REDIC1: variants seen among roughly 807,000 people sequenced by gnomAD.
REDIC1 encodes regulator of DNA class I crossover intermediates 1.
chr12:39,782,263 A>G, the REDIC1 span, among the ~76,000 whole-genome samples: 1 of 152,146 alleles, frequency 6.6e-6, no homozygotes, highest in Non-Finnish European at 1.5e-5. Flanking sequence ...GTCCCCACTC[A>G]AATCTCAATT....
At chr12:39,760,285 A>AAT in the REDIC1 span, 1 of 1,559,366 alleles carries the variant, frequency 6.4e-7, no homozygotes, top group African/African-American at 1.4e-5. Context: ...CATGAATATG[A>AAT]ATATATAGAG....
chr12:39,812,996 ATTTT>A, the REDIC1 span, among the ~76,000 whole-genome samples: 12 of 40,614 alleles, frequency 3.0e-4, no homozygotes, highest in South Asian at 7.7e-3. Flanking sequence ...TGCCCAGCTA[ATTTT>A]TTTTTTTTTT....
chr12:39,640,962 G>T, the REDIC1 span: 3 of 1,610,104 alleles, frequency 1.9e-6, no homozygotes, highest in South Asian at 1.1e-5. Context: ...CAGGTCCAGG[G>T]TTCTGATCAA....
chr12:39,731,207 G>A, the REDIC1 span, among the ~76,000 whole-genome samples: 1 of 152,268 alleles, frequency 6.6e-6, no homozygotes, highest in South Asian at 2.1e-4. Context: ...CTGGGGAGGA[G>A]TTGTGATTCT....
chr12:39,626,222 G>C, the REDIC1 span: 7 of 1,125,392 alleles, frequency 6.2e-6, no homozygotes, highest in Admixed American at 6.3e-5. Flanking sequence ...GAGCTTACTC[G>C]GGCCCTGACG....
At chr12:39,885,046 T>C in the REDIC1 span, among the ~76,000 whole-genome samples, 1 of 152,218 alleles carries the variant, frequency 6.6e-6, no homozygotes, top group Non-Finnish European at 1.5e-5. Context: ...GATTTTGACT[T>C]TCTAGATGAC....
chr12:39,732,360 A>C, the REDIC1 span, among the ~76,000 whole-genome samples: 2,624 of 152,272 alleles, frequency 0.017, 41 homozygotes, highest in Non-Finnish European at 0.027. Context: ...AGGTTTGATC[A>C]AACCTATATT....
At chr12:39,799,509 T>C in the REDIC1 span, among the ~76,000 whole-genome samples, 1 of 151,972 alleles carries the variant, frequency 6.6e-6, no homozygotes, top group Admixed American at 6.6e-5. Context: ...AAAATAAGCT[T>C]CATTTCCCTT....
the REDIC1 span, among the ~76,000 whole-genome samples, chr12:39,870,823 G>A: frequency 6.6e-6 from 1 of 152,160 alleles, no homozygotes; most frequent in Non-Finnish European, 1.5e-5. Flanking sequence ...ATTCTGGAAT[G>A]AGGGTCAGGA....
chr12:39,674,489 A>G, the REDIC1 span, among the ~76,000 whole-genome samples: 1 of 152,186 alleles, frequency 6.6e-6, no homozygotes, highest in African/African-American at 2.4e-5. Flanking sequence ...ACATACCAGG[A>G]AAACCAAAAG....
chr12:39,712,292 GTATATATACATACATA>G, the REDIC1 span, among the ~76,000 whole-genome samples: 4 of 106,716 alleles, frequency 3.7e-5, no homozygotes, highest in Admixed American at 4.1e-4. Context: ...ATACCTGTAT[GTATATATACATACATA>G]TATATGTATA....
the REDIC1 span, among the ~76,000 whole-genome samples, chr12:39,667,358 T>G: frequency 1.3e-5 from 2 of 152,220 alleles, no homozygotes; most frequent in Non-Finnish European, 2.9e-5. Flanking sequence ...TTTTTCAGTT[T>G]CCATGTAGTT....
the REDIC1 span, chr12:39,684,120 G>A: frequency 2.0e-6 from 2 of 994,248 alleles, no homozygotes; most frequent in African/African-American, 3.5e-5. Flanking sequence ...TCTTCTTGCA[G>A]CTGGTGTACA....
the REDIC1 span, among the ~76,000 whole-genome samples, chr12:39,902,352 A>T: frequency 2.0e-5 from 3 of 152,010 alleles, no homozygotes; most frequent in African/African-American, 7.2e-5. Flanking sequence ...ATAATAAAAT[A>T]AAAATTAAAA....
the REDIC1 span, among the ~76,000 whole-genome samples, chr12:39,871,409 T>C: frequency 6.6e-6 from 1 of 152,122 alleles, no homozygotes; most frequent in South Asian, 2.1e-4. Context: ...TTAATTCCAT[T>C]GTATGTCAAA....
the REDIC1 span, among the ~76,000 whole-genome samples, chr12:39,645,959 G>T: frequency 3.9e-5 from 6 of 151,960 alleles, no homozygotes; most frequent in Non-Finnish European, 7.4e-5. Flanking sequence ...TATATAGTTT[G>T]GGTGGGTGTA....
At chr12:39,673,393 T>A in the REDIC1 span, among the ~76,000 whole-genome samples, 3 of 152,174 alleles carry the variant, frequency 2.0e-5, 1 homozygote, top group South Asian at 6.2e-4. Flanking sequence ...CTTCAGGAAA[T>A]TCATTCAGGA....
chr12:39,901,115 T>C, the REDIC1 span, among the ~76,000 whole-genome samples: 85 of 152,120 alleles, frequency 5.6e-4, no homozygotes, highest in African/African-American at 1.9e-3. Context: ...ATAAATGGTG[T>C]GGGGAAAACT....
chr12:39,653,810 G>GT, the REDIC1 span, among the ~76,000 whole-genome samples: 1 of 152,014 alleles, frequency 6.6e-6, no homozygotes, highest in South Asian at 2.1e-4. Context: ...AGGTGTTTTT[G>GT]TAAGTGTCCT....
Sources: gnomAD v4.1 joint callset for allele counts (sites outside exome capture counted in the v4.1 genomes callset) on GRCh38, gnomAD v4.1.1 for gene constraint, MANE v1.5 for transcripts, NCBI Gene and HGNC (gene_info 2026-07-23, HGNC 2026-07-21) for gene names.